The following LRP5 variants were observed in gnomAD, a reference collection of about 807,000 sequenced individuals.
The protein encoded by LRP5 is LDL receptor related protein 5, also known as low-density lipoprotein receptor-related protein 5.
A neutral mutation model predicts 154.1 loss-of-function variants in LRP5; 62 were observed. That is an observed-to-expected ratio of 0.40 (90% CI 0.33 to 0.50). The LOEUF is 0.50. LRP5 is among the 20% of genes least tolerant of loss of function. The probability of loss-of-function intolerance (pLI) is 0.55; values close to 1 mark genes in which losing one functional copy is unlikely to be tolerated. For missense variants in LRP5, 1,915 were observed against 2,336.7 expected (o/e 0.82, Z 3.72); for synonymous variants, 966 against 1,011.5 (o/e 0.96, Z 0.85).
At chr11:68,338,880 T>TG (rs2098607228) in intron 1 of LRP5, among the ~76,000 whole-genome samples, 1 of 140,272 alleles carries the variant, frequency 7.1e-6, no homozygotes, top group Non-Finnish European at 1.5e-5. Flanking sequence ...TTTTTTTTTT[T>TG]TTTTTTTTTT....
In LRP5 at chr11:68,413,839, A is replaced by G. The variant is rs2098660970; in HGVS notation, c.2654A>G (p.His885Arg). 6 of 1,613,644 alleles carry G rather than the reference A, an allele frequency of 3.7e-6. No homozygotes were observed. Among genetic ancestry groups the G allele is most frequent in the Admixed American group, 1.7e-5 (1 of 60,024 alleles). ...SGRNRTLIQG[H>R]LDFVMDILVF... ...CGGAACCGCACCCTCATCCAGGGCC[A>G]CCTGGACTTCGTGATGGACATCCTG... is the stretch of plus-strand genomic sequence containing the variant. Residue 885 changes from histidine (H) to arginine (R), a missense_variant, in exon 12 of 23, where the codon CAC becomes CGC. Physicochemically the swap from His to Arg is conservative, Grantham distance 29. Transcript: ENST00000294304. The surrounding 1 kb of genome is among the most constrained non-coding windows in gnomAD (Gnocchi z 5.1).
At chr11:68,354,309 C>T (rs921856988) in intron 2 of LRP5, among the ~76,000 whole-genome samples, 3 of 152,240 alleles carry the variant, frequency 2.0e-5, no homozygotes, top group African/African-American at 7.2e-5. Context: ...CCGACTGGCT[C>T]GCAAATTCCC....
At chr11:68,382,108 C>T (rs543958685) in intron 5 of LRP5, among the ~76,000 whole-genome samples, 1 of 152,376 alleles carries the variant, frequency 6.6e-6, no homozygotes, top group South Asian at 2.1e-4. Context: ...ACCTCAGAGG[C>T]CTTGCAGCCT....
chr11:68,403,570 A>G lies in LRP5; in HGVS notation c.1672A>G (p.Ile558Val). ...IFGFTLLGDF[I>V]YWTDWQRRSI... ...TGGGTTCACGCTGCTGGGGGACTTC[A>G]TCTACTGGACTGACTGGCAGCGCCG... The change falls in exon 8 of 23, where the codon ATC becomes GTC. Residue 558 changes from isoleucine to valine, a missense_variant. Physicochemically the swap from Ile to Val is conservative, Grantham distance 29. Transcript: ENST00000294304. 1 of 1,614,178 alleles carries G rather than the reference A, an allele frequency of 6.2e-7. No individual in the cohort carries two copies. Among genetic ancestry groups the G allele is most frequent in the East Asian group, 2.2e-5 (1 of 44,880 alleles).
chr11:68,320,731 G>A (rs1240990687), intron 1 of LRP5, among the ~76,000 whole-genome samples: 3 of 151,924 alleles, frequency 2.0e-5, no homozygotes, highest in Non-Finnish European at 4.4e-5. Flanking sequence ...CAAAGTGCTG[G>A]GATTACAGAC....
chr11:68,433,947 C>T lies in LRP5; in HGVS notation c.4000+109C>T, dbSNP rs1390997131. ...GGAGTAGGGGCTCTGAAAACCTTTG[C>T]TTGCAGGGAGATTGCCAAGTCTGTC... On this transcript the variant is annotated intron_variant, in intron 18 of 22. Coordinates refer to ENST00000294304, the MANE Select transcript of LRP5 (RefSeq NM_002335.4). The T allele has an allele frequency of 8.4e-6, 9 of 1,075,506 alleles. No individual in the cohort carries two copies. The South Asian group carries it at 1.1e-4, about 13-fold the overall frequency. The allele number at this position is 1,075,506 out of a possible 1,614,324, so 66.6% of individuals were successfully genotyped here.
the LRP5 span, among the ~76,000 whole-genome samples, chr11:68,302,357 A>G: frequency 6.6e-6 from 1 of 151,814 alleles, no homozygotes; most frequent in African/African-American, 2.4e-5. Flanking sequence ...AAAAAAAAAA[A>G]AAAAAAAAAA....
At chr11:68,420,572 C>T (rs1484322063) in intron 13 of LRP5, among the ~76,000 whole-genome samples, 4 of 152,064 alleles carry the variant, frequency 2.6e-5, no homozygotes, top group Non-Finnish European at 4.4e-5. Context: ...GGTGTGGTGG[C>T]GCGCACCTGT....
upstream of LRP5, among the ~76,000 whole-genome samples, chr11:68,308,833 C>T (rs1227326416): frequency 6.6e-6 from 1 of 151,160 alleles, no homozygotes; most frequent in Non-Finnish European, 1.5e-5. Flanking sequence ...ATTGCAACCT[C>T]TGCCTCCCGG....
intron 1 of LRP5, among the ~76,000 whole-genome samples, chr11:68,316,489 C>G (rs906886953): frequency 6.6e-6 from 1 of 152,172 alleles, no homozygotes; most frequent in Non-Finnish European, 1.5e-5. Context: ...CCAGGCTGGT[C>G]TTGAACTCCT....
rs60965950 is a variant in LRP5, at chr11:68,374,620, C to T, written c.1015+8918C>T. Among the ~76,000 whole-genome samples, 585 of 152,284 alleles carry T rather than the reference C, an allele frequency of 3.8e-3. 7 individuals carry two copies. The highest frequency in any genetic ancestry group is 0.014 in the African/African-American group (570 of 41,548). ...TGCATATGTCTGCATAACTACCACA[C>T]GGTCCAGACAGAGAACATTTCTACC... On this transcript the variant is annotated intron_variant, in intron 5 of 22. Coordinates refer to ENST00000294304, the MANE Select transcript of LRP5 (RefSeq NM_002335.4).
intron 1 of LRP5, among the ~76,000 whole-genome samples, chr11:68,346,240 C>T (rs1054396358): frequency 6.6e-5 from 10 of 152,360 alleles, no homozygotes; most frequent in South Asian, 6.2e-4. Context: ...CAGTGTCCCT[C>T]GTTGCCACAA....
At chr11:68,302,597 T>G in the LRP5 span, among the ~76,000 whole-genome samples, 1 of 152,172 alleles carries the variant, frequency 6.6e-6, no homozygotes, top group African/African-American at 2.4e-5. Context: ...ACCATCCACC[T>G]TGAGAATCTA....
At chr11:68,404,446 G>C (rs867596820) in intron 8 of LRP5, 1 of 498,788 alleles carries the variant, frequency 2.0e-6, no homozygotes, top group South Asian at 1.5e-5. Flanking sequence ...TCTGCTGCCC[G>C]TCGGGTGGAT....
intron 6 of LRP5, among the ~76,000 whole-genome samples, chr11:68,387,984 G>A (rs2098643963): frequency 6.6e-6 from 1 of 152,162 alleles, no homozygotes; most frequent in Admixed American, 6.5e-5. Context: ...GTGCTGGCCG[G>A]GGAGCTTTTC....
intron 5 of LRP5, among the ~76,000 whole-genome samples, chr11:68,367,891 C>T (rs1479074204): frequency 6.6e-6 from 1 of 152,064 alleles, no homozygotes; most frequent in African/African-American, 2.4e-5. Flanking sequence ...TGGTGAAACT[C>T]CATCTCTACT....
rs140779623 is a variant in LRP5 at position 68,386,527 on chromosome 11, G to A, written c.1227G>A (p.Thr409=). The change falls in exon 6 of 23, where the codon ACG becomes ACA. Residue 409 remains threonine (T), a synonymous_variant. Coordinates refer to ENST00000294304, the MANE Select transcript of LRP5 (RefSeq NM_002335.4). The surrounding 1 kb of genome is among the most constrained non-coding windows in gnomAD (Gnocchi z 7.9). The part of the protein sequence containing the change: ...RAYLDGSGAQ[T]LVNTEINDPD... ...ACCTGGACGGGTCTGGGGCGCAGAC[G>A]CTGGTCAACACCGAGATCAACGACC... 2.3e-5 allele frequency: 37 copies of A among 1,613,830 alleles called. No individual in the cohort carries two copies. Among genetic ancestry groups the A allele is most frequent in the South Asian group, 9.9e-5 (9 of 91,086 alleles).
chr11:68,372,725 C>T (rs2098634955), intron 5 of LRP5, among the ~76,000 whole-genome samples: 1 of 152,106 alleles, frequency 6.6e-6, no homozygotes, highest in Non-Finnish European at 1.5e-5. Flanking sequence ...GCGAGTCTTC[C>T]TTCGGCGGTT....
chr11:68,413,828 C>T lies in LRP5; in HGVS notation c.2643C>T (p.Leu881=), dbSNP rs1404776039. 7 of 1,613,644 alleles carry T rather than the reference C, an allele frequency of 4.3e-6. No homozygotes were observed. Among genetic ancestry groups the T allele is most frequent in the Admixed American group, 1.7e-5 (1 of 59,998 alleles). ...AGACTAGCGGCCGGAACCGCACCCTCATCCAGGGCCACCTGGACTTCGTGA... is the reference window on the plus strand; with the variant it reads ...AGACTAGCGGCCGGAACCGCACCCTTATCCAGGGCCACCTGGACTTCGTGA... ...ADKTSGRNRT[L]IQGHLDFVMD... Residue 881 remains leucine, a synonymous_variant, in exon 12 of 23, where the codon CTC becomes CTT. Transcript: ENST00000294304. The surrounding 1 kb of genome is among the most constrained non-coding windows in gnomAD (Gnocchi z 5.1).
Sources: allele counts gnomAD v4.1 joint callset (sites outside exome capture counted in the v4.1 genomes callset), GRCh38; gene constraint gnomAD v4.1.1; non-coding constraint Gnocchi (gnomAD v3.1); transcripts MANE v1.5; gene names NCBI Gene and HGNC (gene_info 2026-07-23, HGNC 2026-07-21).